Variants in SLC9A9 observed in about 807,000 individuals in gnomAD.
SLC9A9 encodes sodium/hydrogen exchanger 9.
In SLC9A9, 62 loss-of-function variants were observed where a neutral mutation model predicts 77.8. That is an observed-to-expected ratio of 0.80 (90% confidence interval 0.65 to 0.98). The LOEUF (loss-of-function observed/expected upper bound fraction) is 0.98. Among genes scored for constraint, SLC9A9 ranks in the 50% least tolerant of loss-of-function variants. SLC9A9 has a pLI of 0.00. For synonymous variants in SLC9A9, 320 were observed against 283.5 expected (o/e 1.13, Z -1.29); for missense variants, 775 against 774.9 (o/e 1.00, Z 0.00).
At chr3:143,430,892 C>T (rs534766420) in intron 12 of SLC9A9, among the ~76,000 whole-genome samples, 4 of 152,260 alleles carry the variant, frequency 2.6e-5, no homozygotes, top group Admixed American at 2.6e-4. Flanking sequence ...TGACATGCTG[C>T]TCTCTTCCTT....
chr3:143,815,822 T>A (rs9844907), intron 2 of SLC9A9, among the ~76,000 whole-genome samples: 1 of 151,814 alleles, frequency 6.6e-6, no homozygotes. Flanking sequence ...GCCGGGATCG[T>A]GCCACTGCAC....
At chr3:143,777,903 C>T (rs138628690) in intron 4 of SLC9A9, among the ~76,000 whole-genome samples, 5,213 of 151,430 alleles carry the variant, frequency 0.034, 301 homozygotes, top group African/African-American at 0.12. Context: ...TTAGTAGAGA[C>T]GGGGTTTCAC....
At chr3:143,618,345 A>C (rs1161960763) in intron 6 of SLC9A9, among the ~76,000 whole-genome samples, 1 of 152,116 alleles carries the variant, frequency 6.6e-6, no homozygotes, top group Non-Finnish European at 1.5e-5. Context: ...TTTGGAAGGG[A>C]GTGTAAAGAA....
intron 6 of SLC9A9, among the ~76,000 whole-genome samples, chr3:143,613,519 C>T (rs888731775): frequency 2.6e-5 from 4 of 152,158 alleles, no homozygotes; most frequent in African/African-American, 4.8e-5. Context: ...AGTAGTAAGT[C>T]TGGTATTTCT....
intron 8 of SLC9A9, among the ~76,000 whole-genome samples, chr3:143,572,672 G>C (rs1380229939): frequency 6.6e-6 from 1 of 152,174 alleles, no homozygotes; most frequent in South Asian, 2.1e-4. Flanking sequence ...TGGTAGGGTG[G>C]AATCCAGTAA....
intron 12 of SLC9A9, among the ~76,000 whole-genome samples, chr3:143,446,517 A>G (rs1476809584): frequency 6.6e-6 from 1 of 152,114 alleles, no homozygotes; most frequent in Middle Eastern, 3.2e-3. Context: ...AAGGCCCTGA[A>G]TGCCTACTGG....
At chr3:143,603,354 A>T (rs751032785) in intron 6 of SLC9A9, among the ~76,000 whole-genome samples, 1 of 152,302 alleles carries the variant, frequency 6.6e-6, no homozygotes, top group African/African-American at 2.4e-5. Flanking sequence ...CGCCCTCTAC[A>T]TTCCTCTCTC....
chr3:143,513,967 G>A (rs1402937287), intron 9 of SLC9A9, among the ~76,000 whole-genome samples: 1 of 152,102 alleles, frequency 6.6e-6, no homozygotes, highest in Non-Finnish European at 1.5e-5. Flanking sequence ...TTTACGTTAG[G>A]TATATCTCCT....
At chr3:143,536,356 T>C (rs1163845659) in intron 9 of SLC9A9, among the ~76,000 whole-genome samples, 2 of 152,176 alleles carry the variant, frequency 1.3e-5, no homozygotes, top group Non-Finnish European at 2.9e-5. Flanking sequence ...CTCAGTAAAA[T>C]AGTTGCCAAT....
At chr3:143,595,904 T>C (rs1367063403) in intron 6 of SLC9A9, among the ~76,000 whole-genome samples, 3 of 152,180 alleles carry the variant, frequency 2.0e-5, no homozygotes, top group African/African-American at 4.8e-5. Flanking sequence ...TGTTGTACAA[T>C]AGATTCTAAT....
chr3:143,311,190 C>T (rs544664944), intron 14 of SLC9A9, among the ~76,000 whole-genome samples: 6 of 152,186 alleles, frequency 3.9e-5, no homozygotes, highest in East Asian at 1.9e-4. Context: ...TTGTCTACCA[C>T]GACCAGGACT....
chr3:143,747,978 G>T (rs1459725322), intron 4 of SLC9A9, among the ~76,000 whole-genome samples: 1 of 152,072 alleles, frequency 6.6e-6, no homozygotes, highest in Non-Finnish European at 1.5e-5. Context: ...ATGGTCCCAA[G>T]ACTGCCCCTG....
intron 12 of SLC9A9, among the ~76,000 whole-genome samples, chr3:143,418,200 C>T (rs868483085): frequency 1.3e-5 from 2 of 151,408 alleles, no homozygotes; most frequent in South Asian, 4.2e-4. Flanking sequence ...ACCATGAAGA[C>T]TAGGTAGCAG....
chr3:143,805,413 T>C (rs1000212647), intron 2 of SLC9A9, among the ~76,000 whole-genome samples: 4 of 152,096 alleles, frequency 2.6e-5, no homozygotes, highest in African/African-American at 9.7e-5. Flanking sequence ...AAAAAAATTT[T>C]TGCTGCCCCA....
intron 5 of SLC9A9, among the ~76,000 whole-genome samples, chr3:143,691,679 A>G (rs1210923759): frequency 6.6e-6 from 1 of 152,068 alleles, no homozygotes; most frequent in Non-Finnish European, 1.5e-5. Context: ...CCTTCTAAAT[A>G]AGACTTAACT....
At chr3:143,813,016 A>G (rs940224099) in intron 2 of SLC9A9, among the ~76,000 whole-genome samples, 1 of 152,012 alleles carries the variant, frequency 6.6e-6, no homozygotes, top group Admixed American at 6.6e-5. Context: ...TGCTTTGGGG[A>G]AGACAGGGGA....
chr3:143,384,549 A>G (rs1165938017), intron 12 of SLC9A9, among the ~76,000 whole-genome samples: 4 of 152,228 alleles, frequency 2.6e-5, no homozygotes, highest in Non-Finnish European at 5.9e-5. Flanking sequence ...TTGAGGCAGC[A>G]CTGAGGCCTT....
intron 12 of SLC9A9, among the ~76,000 whole-genome samples, chr3:143,462,702 A>G (rs960423632): frequency 1.3e-5 from 2 of 152,362 alleles, no homozygotes; most frequent in African/African-American, 4.8e-5. Context: ...CAGTCAGCCC[A>G]ATCACTTGTG....
chr3:143,560,300 A>G (rs889551707), intron 8 of SLC9A9, among the ~76,000 whole-genome samples: 5 of 152,118 alleles, frequency 3.3e-5, no homozygotes, highest in African/African-American at 4.8e-5. Flanking sequence ...CTAGGTATCA[A>G]CTCACCCTTG....
Sources: allele counts gnomAD v4.1 joint callset (sites outside exome capture counted in the v4.1 genomes callset), GRCh38; gene constraint gnomAD v4.1.1; transcripts MANE v1.5; gene names NCBI Gene and HGNC (gene_info 2026-07-23, HGNC 2026-07-21).